Variants in RHOC observed in about 807,000 individuals in gnomAD.
RHOC encodes the protein rho-related GTP-binding protein RhoC.
In RHOC, 13 loss-of-function variants were observed where a neutral mutation model predicts 19.5. The observed-to-expected ratio is 0.67, with a 90% confidence interval of 0.43 to 1.06. RHOC has a LOEUF of 1.06. Among genes scored for constraint, RHOC ranks in the 50% least tolerant of loss-of-function variants. The pLI, the probability that RHOC is intolerant of heterozygous loss-of-function variation, is 0.00. For missense variants in RHOC, 173 were observed against 256.9 expected, an observed-to-expected ratio of 0.67 and a Z score of 2.23; for synonymous variants, 106 against 97.3, an observed-to-expected ratio of 1.09 and a Z score of -0.52.
rs752117424 is a variant in RHOC at position 112,705,672 on chromosome 1, C to T, written c.-76-504G>A. On this transcript the variant is annotated intron_variant, in intron 1 of 5. Coordinates refer to ENST00000339083, the MANE Select transcript of RHOC (RefSeq NM_175744.5). ...AAAGAGGGTTCCTTGGGAATTCTAT[C>T]CCGGTGACTGACGCTGGGATTTCTT... The T allele has an allele frequency of 2.0e-5, 9 of 456,394 alleles. No individual in the cohort carries two copies. The East Asian group carries it at 6.2e-4, about 32-fold the overall frequency. The allele number at this position is 456,394 out of a possible 1,614,324, so 28.3% of individuals were successfully genotyped here.
chr1:112,706,458 CACACACCACACACACACACACACACA>C (rs1674862560), intron 1 of RHOC, among the ~76,000 whole-genome samples: 45 of 24,886 alleles, frequency 1.8e-3, no homozygotes, highest in African/African-American at 5.1e-3. Context: ...CACACACACA[CACACACCACACACACACACACACACA>C]CACACACACA....
Position 112,701,223 on chromosome 1 carries a change from G to A in RHOC, c.*317C>T, listed in dbSNP as rs1402756285. 3.1e-6 allele frequency: 2 copies of A among 639,626 alleles called. No homozygotes were observed. Among genetic ancestry groups the A allele is most frequent in the Non-Finnish European group, 5.3e-6 (2 of 378,488 alleles). The allele number at this position is 639,626 out of a possible 1,614,324, so 39.6% of individuals were successfully genotyped here. On this transcript the variant is annotated 3_prime_UTR_variant, in exon 6 of 6. Transcript: ENST00000339083. ...AACAACTCCAGGGGCCTGGGACTCT[G>A]GGTCCCCTACTGCAGACACTTTCCT...
intron 4 of RHOC, 81 bp from the exon 5 acceptor site, chr1:112,702,774 A>G (rs986753091): frequency 1.3e-6 from 2 of 1,571,830 alleles, no homozygotes; most frequent in Non-Finnish European, 1.7e-6. Context: ...ATCTTCCCAG[A>G]GCAGTCTTAG....
At chr1:112,706,465 CACACACACACACACACACACACACACA>C (rs1557780643) in intron 1 of RHOC, among the ~76,000 whole-genome samples, 4 of 4,758 alleles carry the variant, frequency 8.4e-4, no homozygotes, top group South Asian at 8.1e-3. Context: ...ACACACACAC[CACACACACACACACACACACACACACA>C]CACACACACA....
At chr1:112,703,602 C>CG (rs775274205) in intron 3 of RHOC, 42 bp downstream of exon 3, 2 of 823,740 alleles carry the variant, frequency 2.4e-6, no homozygotes, top group East Asian at 5.5e-5. Flanking sequence ...GACTGGGGGG[C>CG]GGGGTCTCAG....
At chr1:112,706,456 CACACACACCACACACA>C (rs1674860278) in intron 1 of RHOC, among the ~76,000 whole-genome samples, 1 of 24,866 alleles carries the variant, frequency 4.0e-5, no homozygotes, top group African/African-American at 1.1e-4. Flanking sequence ...CACACACACA[CACACACACCACACACA>C]CACACACACA....
intron 4 of RHOC, 106 bp from the exon 5 acceptor site, chr1:112,702,799 G>A (rs1674701657): frequency 1.3e-6 from 2 of 1,481,688 alleles, no homozygotes; most frequent in Non-Finnish European, 1.9e-6. Flanking sequence ...CATTCAGCAT[G>A]ATGGTCCCTT....
rs1404810093 is a variant in RHOC, at chr1:112,705,097, G to T, written c.-8+3C>A. ...TCCTCCTTCCCTGGGGAGGGGAACT[G>T]ACCTCCAGCCGGCTGAAGTTCCCAG... On this transcript the variant is annotated splice_donor_region_variant and intron_variant, in intron 2 of 5. Coordinates refer to ENST00000339083, the MANE Select transcript of RHOC (RefSeq NM_175744.5). The T allele has an allele frequency of 1.4e-6, 1 of 702,492 alleles. No homozygotes were observed. Among genetic ancestry groups the T allele is most frequent in the Non-Finnish European group, 2.6e-6 (1 of 384,838 alleles). The allele number at this position is 702,492 out of a possible 1,614,324, so 43.5% of individuals were successfully genotyped here. A position where few individuals can be genotyped will look rare whatever the true frequency, so the allele number is the denominator to read the frequency against.
Position 112,702,508 on chromosome 1 carries a change from A to G in RHOC, c.408+55T>C, listed in dbSNP as rs1381251357. On this transcript the variant is annotated intron_variant, in intron 5 of 5. Transcript: ENST00000339083. ...GAGAAGTTCCCTTTGCCCGTCTGCAACCCCTCAGAGGGTGCATTCTTCCCC... is the reference window on the plus strand; with the variant it reads ...GAGAAGTTCCCTTTGCCCGTCTGCAGCCCCTCAGAGGGTGCATTCTTCCCC... The G allele has an allele frequency of 4.4e-6, 7 of 1,589,068 alleles. No individual in the cohort carries two copies. In the South Asian group the frequency reaches 4.5e-5, roughly 10 times the overall value.
At chr1:112,703,902 T>TA in intron 2 of RHOC, 96 bp from the exon 3 acceptor site, 1 of 1,149,782 alleles carries the variant, frequency 8.7e-7, no homozygotes, top group Non-Finnish European at 1.2e-6. Context: ...CCGAGGCATC[T>TA]AGCAAAGGGA....
intron 2 of RHOC, chr1:112,704,858 G>C (rs1024120567): frequency 5.3e-6 from 3 of 570,304 alleles, no homozygotes; most frequent in Non-Finnish European, 9.5e-6. Flanking sequence ...ATCTACCACA[G>C]CACAGTGACT....
chr1:112,701,375 G>A lies in RHOC; in HGVS notation c.*165C>T, dbSNP rs1355572577. The A allele has an allele frequency of 1.3e-6, 2 of 1,521,992 alleles. No homozygotes were observed. The highest frequency in any genetic ancestry group is 1.8e-6 in the Non-Finnish European group (2 of 1,131,726). 94.3% of individuals were successfully genotyped at this position (1,521,992 alleles called of 1,614,324 possible). On this transcript the variant is annotated 3_prime_UTR_variant, in exon 6 of 6. Coordinates refer to ENST00000339083, the MANE Select transcript of RHOC (RefSeq NM_175744.5). The stretch of plus-strand genomic sequence containing the variant: ...GTGGCTCCCAGAGCGCTGGGAGGGA[G>A]GGCCCGTGCCACCACCTCGGGGCTA...
chr1:112,704,950 G>A, intron 2 of RHOC, 150 bp downstream of exon 2: 1 of 633,550 alleles, frequency 1.6e-6, no homozygotes, highest in Non-Finnish European at 2.9e-6. Flanking sequence ...CGCATGCCCT[G>A]CCCACCCCTC....
intron 5 of RHOC, 88 bp from the exon 6 acceptor site, chr1:112,701,801 A>G (rs1297565729): frequency 3.5e-6 from 5 of 1,439,222 alleles, no homozygotes; most frequent in Non-Finnish European, 4.8e-6. Flanking sequence ...AGCTGGAACA[A>G]ATGCCTCCTT....
Position 112,701,342 on chromosome 1 carries a change from G to A in RHOC, c.*198C>T. ...CCCAGGGGCCCTGAGGAAGGGCAGG[G>A]CATAGGCGTGGCTCCCAGAGCGCTG... is the stretch of plus-strand genomic sequence containing the variant. On this transcript the variant is annotated 3_prime_UTR_variant, in exon 6 of 6. Coordinates refer to ENST00000339083, the MANE Select transcript of RHOC (RefSeq NM_175744.5). 1 of 1,466,722 alleles carries A rather than the reference G, an allele frequency of 6.8e-7. No individual in the cohort carries two copies. Among genetic ancestry groups the A allele is most frequent in the African/African-American group, 1.4e-5 (1 of 71,244 alleles). 90.9% of individuals were successfully genotyped at this position (1,466,722 alleles called of 1,614,324 possible).
chr1:112,706,498 A>C lies in RHOC; in HGVS notation c.-77+580T>G, dbSNP rs899800529. Among the ~76,000 whole-genome samples the C allele has an allele frequency of 9.9e-4, 76 of 76,898 alleles. 1 individual carries two copies. The highest frequency in any genetic ancestry group is 4.2e-3 in the African/African-American group (70 of 16,628). The allele number at this position is 76,898 out of a possible 152,430, so 50.4% of individuals were successfully genotyped here. On this transcript the variant is annotated intron_variant, in intron 1 of 5. Coordinates refer to ENST00000339083, the MANE Select transcript of RHOC (RefSeq NM_175744.5). ...CACACACACACACACACACACACAC[A>C]CACACACACACACACACACACACAC...
chr1:112,706,450 CA>C (rs1198202676), intron 1 of RHOC, among the ~76,000 whole-genome samples: 4 of 43,638 alleles, frequency 9.2e-5, no homozygotes, highest in African/African-American at 2.9e-4. Flanking sequence ...CACACACACA[CA>C]CACACACACA....
chr1:112,702,629 C>A lies in RHOC; in HGVS notation c.342G>T (p.Leu114=), dbSNP rs1438440027. Residue 114 remains leucine (L), a synonymous_variant, in exon 5 of 6, where the codon CTG becomes CTT. Transcript: ENST00000339083. ...GCCTCAGGTCCTTCTTATTCCCCACCAGGATGATGGGCACGTTGGGGCAGA... is the reference window on the plus strand; with the variant it reads ...GCCTCAGGTCCTTCTTATTCCCCACAAGGATGATGGGCACGTTGGGGCAGA... ...KHFCPNVPII[L]VGNKKDLRQD... The A allele has an allele frequency of 6.2e-7, 1 of 1,614,158 alleles. No individual in the cohort carries two copies. The highest frequency in any genetic ancestry group is 8.5e-7 in the Non-Finnish European group (1 of 1,180,010).
At chr1:112,704,864 T>C in intron 2 of RHOC, 1 of 574,142 alleles carries the variant, frequency 1.7e-6, no homozygotes. Flanking sequence ...CACAGCACAG[T>C]GACTGAGAAG....
Sources: allele counts gnomAD v4.1 joint callset (sites outside exome capture counted in the v4.1 genomes callset), GRCh38; gene constraint gnomAD v4.1.1; transcripts MANE v1.5; gene names NCBI Gene and HGNC (gene_info 2026-07-23, HGNC 2026-07-21).